PCDHGA9: variants seen among roughly 807,000 people sequenced by gnomAD.
PCDHGA9 encodes the protein protocadherin gamma-A9.
A neutral mutation model predicts 62.5 loss-of-function variants in PCDHGA9; 37 were observed. The observed-to-expected ratio is 0.59, with a 90% CI of 0.46 to 0.78. The LOEUF (loss-of-function observed/expected upper bound fraction) is 0.78. PCDHGA9 is among the 30% of genes least tolerant of loss of function. The probability of loss-of-function intolerance (pLI) is 0.00; values close to 1 mark genes in which losing one functional copy is unlikely to be tolerated. For missense variants in PCDHGA9, 1,138 were observed against 1,166.2 expected (o/e 0.98, Z 0.35); for synonymous variants, 459 against 484.6 (o/e 0.95, Z 0.69).
rs1363008017 is a variant in PCDHGA9, at chr5:141,413,215, T to A, written c.2424+7839T>A. ...GAATCGCTCAAAGGAATCAAAGGATTGCAGCGGGCTGGTCCTGCTCTGCCT... is the reference window on the plus strand; with the variant it reads ...GAATCGCTCAAAGGAATCAAAGGATAGCAGCGGGCTGGTCCTGCTCTGCCT... On this transcript the variant is annotated intron_variant, in intron 1 of 3. Coordinates refer to ENST00000573521, the MANE Select transcript of PCDHGA9 (RefSeq NM_018921.3). 6 of 1,613,232 alleles carry A rather than the reference T, an allele frequency of 3.7e-6. No individual in the cohort carries two copies. The African/African-American group carries it at 8.0e-5, about 22-fold the overall frequency.
chr5:141,403,384 A>C lies in PCDHGA9; in HGVS notation c.432A>C (p.Glu144Asp), dbSNP rs201959000. 4.4e-4 allele frequency: 703 copies of C among 1,614,030 alleles called. No homozygotes were observed. Among genetic ancestry groups the C allele is most frequent in the Non-Finnish European group, 5.5e-4 (652 of 1,179,890 alleles). ...AAAGTCTGGAAGTAAAAATTAACGA[A>C]ATCGCGGTTCCTGGAGCACGTTATC... ...QAESLEVKINEIAVPGARYPL... is the reference protein window; with the variant it reads ...QAESLEVKINDIAVPGARYPL... Residue 144 changes from glutamate to aspartate, a missense_variant, in exon 1 of 4, where the codon GAA becomes GAC. Physicochemically the swap from Glu to Asp is conservative, Grantham distance 45. Coordinates refer to ENST00000573521, the MANE Select transcript of PCDHGA9 (RefSeq NM_018921.3).
chr5:141,480,453 A>G (rs1033797238), intron 1 of PCDHGA9, among the ~76,000 whole-genome samples: 1 of 152,182 alleles, frequency 6.6e-6, no homozygotes, highest in African/African-American at 2.4e-5. Context: ...AATTATTTTT[A>G]TTAGTTCCTC....
In PCDHGA9 at chr5:141,489,327, G is replaced by A; in HGVS notation, c.2425-5480G>A. The A allele has an allele frequency of 6.2e-7, 1 of 1,603,940 alleles. No individual in the cohort carries two copies. Among genetic ancestry groups the A allele is most frequent in the South Asian group, 1.1e-5 (1 of 89,400 alleles). ...TGTGCTGCTGGGGCTGGGTGTCTGG[G>A]CAGCTTCGTTACTCAGTGGTGGAGG... is the stretch of plus-strand genomic sequence containing the variant. On this transcript the variant is annotated intron_variant, in intron 1 of 3. Transcript: ENST00000573521. This position sits in a 1 kb window ranked among gnomAD's most constrained non-coding sequence, Gnocchi z 4.5.
At chr5:141,496,892 A>AG (rs1372616572) in intron 2 of PCDHGA9, among the ~76,000 whole-genome samples, 1 of 151,766 alleles carries the variant, frequency 6.6e-6, no homozygotes, top group Non-Finnish European at 1.5e-5. Flanking sequence ...AACACTTAAA[A>AG]AAAAAAAAAA....
At position 141,485,841 on chromosome 5, in the gene PCDHGA9, C is replaced by G. The variant is rs969476505; in HGVS notation, c.2425-8966C>G. On this transcript the variant is annotated intron_variant, in intron 1 of 3. Transcript: ENST00000573521. This position sits in a 1 kb window ranked among gnomAD's most constrained non-coding sequence, Gnocchi z 5.7. Reference sequence around the variant, plus strand: ...GTCGATGGAGGGAACCCGCCGAGATCTGGCACCGCAGAGCTCCGGGTATCC... The same window carrying G: ...GTCGATGGAGGGAACCCGCCGAGATGTGGCACCGCAGAGCTCCGGGTATCC... 29 of 1,614,104 alleles carry G rather than the reference C, an allele frequency of 1.8e-5. No individual in the cohort carries two copies. The highest frequency in any genetic ancestry group is 2.2e-5 in the South Asian group (2 of 91,080).
intron 1 of PCDHGA9, among the ~76,000 whole-genome samples, chr5:141,460,672 TATATCTATATA>T (rs2098995194): frequency 6.6e-6 from 1 of 152,086 alleles, no homozygotes; most frequent in Admixed American, 6.6e-5. Flanking sequence ...AACACAGTTA[TATATCTATATA>T]TCCACCAACA....
Position 141,454,796 on chromosome 5 carries a change from A to ATTTTTTTTTTTTT in PCDHGA9, c.2425-39994_2425-39982dup, listed in dbSNP as rs61612330. On this transcript the variant is annotated intron_variant, in intron 1 of 3. Coordinates refer to ENST00000573521, the MANE Select transcript of PCDHGA9 (RefSeq NM_018921.3). ...AAGGAAATAATCCTCCATGGTTCTAATTTTTTTTTTTTTTTTTTTTTTTTT... is the reference window on the plus strand; with the variant it reads ...AAGGAAATAATCCTCCATGGTTCTAATTTTTTTTTTTTTTTTTTTTTTTTTTTTTTTTTTTTTT... Among the ~76,000 whole-genome samples the ATTTTTTTTTTTTT allele has an allele frequency of 1.7e-3, 135 of 77,462 alleles. 8 individuals carry two copies. The highest frequency in any genetic ancestry group is 2.5e-3 in the Admixed American group (14 of 5,554). The allele number at this position is 77,462 out of a possible 152,430, so 50.8% of individuals were successfully genotyped here.
intron 1 of PCDHGA9, chr5:141,478,291 C>T: frequency 1.9e-6 from 3 of 1,614,144 alleles, no homozygotes; most frequent in East Asian, 2.2e-5. Context: ...AGTCTAGAGA[C>T]CTATACCGAG....
chr5:141,410,419 TC>T (rs769125626), intron 1 of PCDHGA9: 1 of 1,613,886 alleles, frequency 6.2e-7, no homozygotes, highest in South Asian at 1.1e-5. Flanking sequence ...GACCTGTAGT[TC>T]CCCCCAACTA....
At chr5:141,418,124 C>A (rs762154093) in intron 1 of PCDHGA9, 33 of 1,613,836 alleles carry the variant, frequency 2.0e-5, no homozygotes, top group East Asian at 1.3e-4. Flanking sequence ...TGTGAAGGAC[C>A]GAATAGACCG....
intron 1 of PCDHGA9, among the ~76,000 whole-genome samples, chr5:141,463,088 C>T (rs768488458): frequency 6.6e-6 from 1 of 152,108 alleles, no homozygotes; most frequent in Non-Finnish European, 1.5e-5. Flanking sequence ...ATTTTCCAGC[C>T]CTATGTGACC....
Position 141,408,894 on chromosome 5 carries a change from C to T in PCDHGA9, c.2424+3518C>T, listed in dbSNP as rs778126197. 71 of 1,613,186 alleles carry T rather than the reference C, an allele frequency of 4.4e-5. No homozygotes were observed. The Middle Eastern group carries it at 4.9e-4, about 11-fold the overall frequency. ...AGTGCCACCGCTCACATAGAAATTT[C>T]TGTCAAGGATACCAATGATAACCCC... On this transcript the variant is annotated intron_variant, in intron 1 of 3. Transcript: ENST00000573521.
At chr5:141,463,168 T>C (rs74924211) in intron 1 of PCDHGA9, among the ~76,000 whole-genome samples, 6,974 of 152,254 alleles carry the variant, frequency 0.046, 178 homozygotes, top group Middle Eastern at 0.082. Context: ...GTGCACTCTA[T>C]GTATGCTCAG....
chr5:141,415,761 T>TG (rs1485369884), intron 1 of PCDHGA9: 1 of 1,399,490 alleles, frequency 7.1e-7, no homozygotes, highest in Non-Finnish European at 9.3e-7. Flanking sequence ...TTTTTTTTTT[T>TG]TTTTTTTTTT....
At chr5:141,481,070 A>G (rs2099531062) in intron 1 of PCDHGA9, among the ~76,000 whole-genome samples, 1 of 152,144 alleles carries the variant, frequency 6.6e-6, no homozygotes, top group South Asian at 2.1e-4. Context: ...AAACAAAAAG[A>G]AAGAAAGAAA....
rs746318177 is a variant in PCDHGA9 at position 141,431,715 on chromosome 5, T to G, written c.2424+26339T>G. On this transcript the variant is annotated intron_variant, in intron 1 of 3. Coordinates refer to ENST00000573521, the MANE Select transcript of PCDHGA9 (RefSeq NM_018921.3). The surrounding 1 kb of genome is among the most constrained non-coding windows in gnomAD (Gnocchi z 4.8). Reference sequence around the variant, plus strand: ...GAGTCAGGATTCTACCAGATGGAAGTGCAAGCAATGGATAATGCAGGATAT... The same window carrying G: ...GAGTCAGGATTCTACCAGATGGAAGGGCAAGCAATGGATAATGCAGGATAT... 5.6e-6 allele frequency: 9 copies of G among 1,614,178 alleles called. No homozygotes were observed. The highest frequency in any genetic ancestry group is 6.8e-6 in the Non-Finnish European group (8 of 1,180,042).
At chr5:141,453,932 C>T (rs57919166) in intron 1 of PCDHGA9, among the ~76,000 whole-genome samples, 2 of 152,296 alleles carry the variant, frequency 1.3e-5, no homozygotes, top group African/African-American at 4.8e-5. Context: ...TCACTGTGTG[C>T]CTATAATTTA....
Position 141,437,358 on chromosome 5 carries a change from T to C in PCDHGA9, c.2424+31982T>C, listed in dbSNP as rs115917828. ...CTTCACTGTTTTATAGTACCTAAAATTGGAATGTAATCAGTCAGAAGACAT... is the reference window on the plus strand; with the variant it reads ...CTTCACTGTTTTATAGTACCTAAAACTGGAATGTAATCAGTCAGAAGACAT... On this transcript the variant is annotated intron_variant, in intron 1 of 3. Coordinates refer to ENST00000573521, the MANE Select transcript of PCDHGA9 (RefSeq NM_018921.3). 4.6e-3 allele frequency among the ~76,000 whole-genome samples: 702 copies of C among 152,356 alleles called. 4 individuals carry two copies. Among genetic ancestry groups the C allele is most frequent in the African/African-American group, 0.015 (639 of 41,574 alleles).
intron 1 of PCDHGA9, among the ~76,000 whole-genome samples, chr5:141,481,655 T>A (rs933683728): frequency 1.3e-5 from 2 of 152,054 alleles, no homozygotes; most frequent in African/African-American, 4.8e-5. Flanking sequence ...TCATCTCTAC[T>A]AATAATACAA....
Sources: allele counts gnomAD v4.1 joint callset (sites outside exome capture counted in the v4.1 genomes callset), GRCh38; gene constraint gnomAD v4.1.1; non-coding constraint Gnocchi (gnomAD v3.1); transcripts MANE v1.5; gene names NCBI Gene and HGNC (gene_info 2026-07-23, HGNC 2026-07-21).